Variants in SEMA3A observed in about 807,000 individuals in gnomAD.
SEMA3A encodes the protein semaphorin 3A.
Under a neutral mutation model 97.9 loss-of-function variants are expected in SEMA3A, and 29 were observed. The observed-to-expected ratio is 0.30, with a 90% confidence interval of 0.22 to 0.40. SEMA3A has a LOEUF of 0.40. SEMA3A is among the 10% of genes least tolerant of loss of function. The pLI is 1.00. For synonymous variants in SEMA3A, 321 were observed against 323.7 expected, an observed-to-expected ratio of 0.99 and a Z score of 0.09; for missense variants, 763 against 951.3, an observed-to-expected ratio of 0.80 and a Z score of 2.60.
intron 1 of SEMA3A, among the ~76,000 whole-genome samples, chr7:84,416,842 C>G (rs1352042198): frequency 6.6e-6 from 1 of 152,040 alleles, no homozygotes; most frequent in Non-Finnish European, 1.5e-5. Context: ...TGGAGAAAAA[C>G]TTGGAGCAAA....
At chr7:84,292,285 T>C (rs1216012679) in intron 3 of SEMA3A, among the ~76,000 whole-genome samples, 1 of 152,084 alleles carries the variant, frequency 6.6e-6, no homozygotes, top group Non-Finnish European at 1.5e-5. Context: ...TGCTTATTTG[T>C]AAGGAAAATG....
chr7:84,485,506 G>C (rs974107702), intron 1 of SEMA3A, among the ~76,000 whole-genome samples: 4 of 151,930 alleles, frequency 2.6e-5, no homozygotes, highest in African/African-American at 9.7e-5. Flanking sequence ...CTCCTGAGTA[G>C]CTGGGACTAC....
intron 3 of SEMA3A, among the ~76,000 whole-genome samples, chr7:84,205,748 T>G (rs1046728146): frequency 6.6e-6 from 1 of 152,192 alleles, no homozygotes; most frequent in African/African-American, 2.4e-5. Context: ...GAATCATGTT[T>G]TATAACACTA....
At chr7:84,206,408 C>T (rs749745040) in intron 3 of SEMA3A, among the ~76,000 whole-genome samples, 4 of 150,842 alleles carry the variant, frequency 2.7e-5, no homozygotes, top group Admixed American at 6.6e-5. Flanking sequence ...CTGCAAGCTC[C>T]GCCTGCAGGG....
At chr7:84,407,788 T>C (rs1445268755) in intron 1 of SEMA3A, among the ~76,000 whole-genome samples, 1 of 152,156 alleles carries the variant, frequency 6.6e-6, no homozygotes, top group Non-Finnish European at 1.5e-5. Flanking sequence ...AAACGAGCAA[T>C]GGGGAAGGGA....
At chr7:84,005,261 T>G in intron 11 of SEMA3A, 78 bp downstream of exon 11, 9 of 1,078,894 alleles carry the variant, frequency 8.3e-6, no homozygotes, top group Non-Finnish European at 1.3e-5. Flanking sequence ...TCCCAACCCC[T>G]GAGATGTTCA....
chr7:84,381,909 T>C (rs1427477244), intron 1 of SEMA3A, among the ~76,000 whole-genome samples: 1 of 152,144 alleles, frequency 6.6e-6, no homozygotes, highest in Non-Finnish European at 1.5e-5. Flanking sequence ...TTTGAGGACT[T>C]ACTTGATATT....
rs761426942 is a variant in SEMA3A at position 84,002,078 on chromosome 7, T to A, written c.1361-32A>T. On this transcript the variant is annotated intron_variant, in intron 11 of 16. Coordinates refer to ENST00000265362, the MANE Select transcript of SEMA3A (RefSeq NM_006080.3). ...AAGAAAGTGGGGAGAAGACCACAAG[T>A]TAAGTAGATCTGAACAGAGATTAGT... The A allele has an allele frequency of 6.3e-6, 8 of 1,267,994 alleles. No homozygotes were observed. The Admixed American group carries it at 1.2e-4, about 19-fold the overall frequency. The allele number at this position is 1,267,994 out of a possible 1,614,324, so 78.5% of individuals were successfully genotyped here. A position where few individuals can be genotyped will look rare whatever the true frequency, so the allele number is the denominator to read the frequency against.
At chr7:84,276,944 C>T (rs1025697879) in intron 3 of SEMA3A, among the ~76,000 whole-genome samples, 1 of 152,016 alleles carries the variant, frequency 6.6e-6, no homozygotes, top group African/African-American at 2.4e-5. Context: ...TTTTTATTAA[C>T]TAAATGTAAA....
intron 1 of SEMA3A, among the ~76,000 whole-genome samples, chr7:84,473,344 A>T (rs1806201129): frequency 1.3e-5 from 2 of 149,928 alleles, no homozygotes; most frequent in South Asian, 4.2e-4. Context: ...TGTCATCTAT[A>T]GATAAATCTT....
intron 3 of SEMA3A, among the ~76,000 whole-genome samples, chr7:84,208,037 T>C (rs2116312480): frequency 6.6e-6 from 1 of 152,352 alleles, no homozygotes; most frequent in African/African-American, 2.4e-5. Context: ...TATGTATAAA[T>C]GTATATGTGT....
At chr7:83,993,502 G>A (rs1182403644) in intron 12 of SEMA3A, among the ~76,000 whole-genome samples, 1 of 150,842 alleles carries the variant, frequency 6.6e-6, no homozygotes. Flanking sequence ...CTCTTTTAGG[G>A]CAGGCCTGGT....
intron 11 of SEMA3A, 97 bp downstream of exon 11, chr7:84,005,242 G>T: frequency 1.2e-6 from 1 of 849,710 alleles, no homozygotes; most frequent in Non-Finnish European, 2.0e-6. Flanking sequence ...ACTGCACAGA[G>T]GGTTGGCATC....
chr7:84,017,364 A>C (rs965098332), intron 6 of SEMA3A, among the ~76,000 whole-genome samples: 3 of 152,194 alleles, frequency 2.0e-5, no homozygotes, highest in African/African-American at 7.2e-5. Flanking sequence ...AATATATGAT[A>C]ACTACAGATG....
chr7:84,011,422 C>A, intron 7 of SEMA3A, 125 bp from the exon 8 acceptor site: 1 of 669,572 alleles, frequency 1.5e-6, no homozygotes, highest in Middle Eastern at 2.6e-4. Context: ...AGTTCCTAAT[C>A]ATTTTAAATG....
At chr7:84,200,939 T>C (rs764073909) in intron 3 of SEMA3A, among the ~76,000 whole-genome samples, 1 of 151,950 alleles carries the variant, frequency 6.6e-6, no homozygotes, top group African/African-American at 2.4e-5. Context: ...ATCTGTGGAA[T>C]ACAAATGAAA....
At chr7:84,245,065 C>T (rs1318250113) in intron 3 of SEMA3A, among the ~76,000 whole-genome samples, 3 of 152,036 alleles carry the variant, frequency 2.0e-5, no homozygotes, top group East Asian at 3.9e-4. Context: ...GATTATGTGT[C>T]TTGAGATTGC....
intron 2 of SEMA3A, among the ~76,000 whole-genome samples, chr7:84,334,081 C>G (rs926554438): frequency 5.3e-5 from 8 of 152,058 alleles, no homozygotes; most frequent in African/African-American, 1.9e-4. Flanking sequence ...AAAAGTTAAT[C>G]ATCTAAAATG....
At chr7:84,424,959 A>T (rs1303355184) in intron 1 of SEMA3A, among the ~76,000 whole-genome samples, 1 of 102,214 alleles carries the variant, frequency 9.8e-6, no homozygotes, top group Non-Finnish European at 1.7e-5. Context: ...ATAATTATAT[A>T]TATAATTTAT....
Sources: allele counts gnomAD v4.1 joint callset (sites outside exome capture counted in the v4.1 genomes callset), GRCh38; gene constraint gnomAD v4.1.1; transcripts MANE v1.5; gene names NCBI Gene and HGNC (gene_info 2026-07-23, HGNC 2026-07-21).